The following GAB3 variants were observed in gnomAD, a reference collection of about 807,000 sequenced individuals.
The protein encoded by GAB3 is GRB2-associated-binding protein 3.
GAB3 carries 12 observed loss-of-function variants against 40.4 expected under a neutral mutation model. The observed-to-expected ratio is 0.30, with a 90% CI of 0.19 to 0.48. GAB3 has a LOEUF of 0.48. GAB3 is among the 20% of genes least tolerant of loss of function. The pLI, the probability that GAB3 is intolerant of heterozygous loss-of-function variation, is 0.99. For missense variants in GAB3, 381 were observed against 461.9 expected (o/e 0.82, Z 1.61); for synonymous variants, 154 against 176.7 (o/e 0.87, Z 1.02).
chrX:154,743,890 C>T (rs1448267283), intron 1 of GAB3, among the ~76,000 whole-genome samples: 2 of 111,312 alleles, frequency 1.8e-5, no homozygotes, highest in Admixed American at 9.5e-5. Flanking sequence ...AATAATCATA[C>T]TTTATGTGAA....
intron 4 of GAB3, among the ~76,000 whole-genome samples, chrX:154,709,520 A>G (rs1287057720): frequency 9.2e-6 from 1 of 109,154 alleles, no homozygotes; most frequent in Non-Finnish European, 1.9e-5. Flanking sequence ...GGGTTCCACC[A>G]TATTGGCCAG....
At chrX:154,750,247 G>A (rs1001315402) in intron 1 of GAB3, among the ~76,000 whole-genome samples, 2 of 112,559 alleles carry the variant, frequency 1.8e-5, no homozygotes, top group South Asian at 7.2e-4. Context: ...TCGTGAGGAC[G>A]CTGATGGAGA....
At chrX:154,713,089 A>C (rs2070979704) in intron 3 of GAB3, 118 bp downstream of exon 3, 1 of 572,978 alleles carries the variant, frequency 1.7e-6, no homozygotes, top group African/African-American at 2.3e-5. Context: ...CACTAAATGG[A>C]CTAATTTGGT....
rs1384318844 is a variant in GAB3 at position 154,713,329 on chromosome X, T to C, written c.474A>G (p.Pro158=). Residue 158 remains proline, a synonymous_variant, in exon 3 of 10, where the codon CCA becomes CCG. Transcript: ENST00000424127. Reference sequence around the variant, plus strand: ...CGGCATTAGTGTTTGGGTCATCTCTTGGCAAAGAGGAGCTGGCAGCATGGG... The same window carrying C: ...CGGCATTAGTGTTTGGGTCATCTCTCGGCAAAGAGGAGCTGGCAGCATGGG... ...LTAHAASSSL[P]RDDPNTNAVA... is the part of the protein sequence containing the mutation. 4 of 1,208,291 alleles carry C rather than the reference T, an allele frequency of 3.3e-6. No individual in the cohort carries two copies. The highest frequency in any genetic ancestry group is 4.5e-6 in the Non-Finnish European group (4 of 894,659).
At chrX:154,749,149 T>C (rs2071572582) in intron 1 of GAB3, among the ~76,000 whole-genome samples, 1 of 111,454 alleles carries the variant, frequency 9.0e-6, no homozygotes. Flanking sequence ...CACATATCTC[T>C]AAGCTGCGCA....
At chrX:154,708,374 C>G (rs1056885989) in intron 4 of GAB3, among the ~76,000 whole-genome samples, 4 of 112,042 alleles carry the variant, frequency 3.6e-5, no homozygotes, top group Admixed American at 2.8e-4. Context: ...CAAAAATAAA[C>G]AAGCGGAGCT....
chrX:154,692,585 C>T (rs1261785252), intron 8 of GAB3, among the ~76,000 whole-genome samples: 5 of 111,487 alleles, frequency 4.5e-5, no homozygotes, highest in Admixed American at 9.5e-5. Context: ...GTCAGGAGTT[C>T]GAGACCAGCC....
intron 1 of GAB3, among the ~76,000 whole-genome samples, chrX:154,720,385 A>G (rs2071109352): frequency 9.0e-6 from 1 of 111,679 alleles, no homozygotes. Context: ...CCATGAGTTC[A>G]TTATGATATT....
intron 1 of GAB3, among the ~76,000 whole-genome samples, chrX:154,741,095 G>A (rs782292847): frequency 5.4e-5 from 6 of 111,854 alleles, no homozygotes; most frequent in Admixed American, 1.9e-4. Context: ...CTATTCTCAC[G>A]ATAGCAAATA....
At chrX:154,696,841 A>C (rs2070665468) in intron 7 of GAB3, among the ~76,000 whole-genome samples, 1 of 112,800 alleles carries the variant, frequency 8.9e-6, no homozygotes, top group African/African-American at 3.2e-5. Flanking sequence ...ATTGTGCAAT[A>C]GAAAAGAATA....
intron 1 of GAB3, among the ~76,000 whole-genome samples, chrX:154,729,419 G>A (rs1270758602): frequency 9.0e-6 from 1 of 111,729 alleles, no homozygotes; most frequent in Non-Finnish European, 1.9e-5. Flanking sequence ...GATGCTCGGT[G>A]CAATGAACCA....
In GAB3 at chrX:154,677,153, T is replaced by C. The variant is rs1213803409; in HGVS notation, c.*1025A>G. The C allele has an allele frequency of 8.9e-6, 1 of 111,852 alleles. No individual in the cohort carries two copies. The highest frequency in any genetic ancestry group is 1.9e-5 in the Non-Finnish European group (1 of 53,161). The allele number at this position is 111,852 out of a possible 1,213,427, so 9.2% of individuals were successfully genotyped here. A position where few individuals can be genotyped will look rare whatever the true frequency, so the allele number is the denominator to read the frequency against. On this transcript the variant is annotated 3_prime_UTR_variant, in exon 10 of 10. Coordinates refer to ENST00000424127, the MANE Select transcript of GAB3 (RefSeq NM_001081573.3). Reference sequence around the variant, plus strand: ...AGTAGGTATTTCTAATTGTAACTACTGATGGGAGAGTTCCAGTTGAACATC... The same window carrying C: ...AGTAGGTATTTCTAATTGTAACTACCGATGGGAGAGTTCCAGTTGAACATC...
chrX:154,740,901 A>G (rs1557261130), intron 1 of GAB3, among the ~76,000 whole-genome samples: 4 of 112,119 alleles, frequency 3.6e-5, no homozygotes, highest in Non-Finnish European at 5.6e-5. Context: ...CGTCCTGTGC[A>G]TTGCAGAACA....
chrX:154,743,366 A>G (rs1193650374), intron 1 of GAB3, among the ~76,000 whole-genome samples: 1 of 111,606 alleles, frequency 9.0e-6, no homozygotes, highest in African/African-American at 3.3e-5. Context: ...GAAGTTCTTC[A>G]GGCAGAAGGA....
Position 154,692,619 on chromosome X carries a change from C to G in GAB3, c.1530+3298G>C, listed in dbSNP as rs782151602. 1.3e-4 allele frequency among the ~76,000 whole-genome samples: 14 copies of G among 111,445 alleles called. No homozygotes were observed. In the South Asian group the frequency reaches 5.3e-3, roughly 42 times the overall value. On this transcript the variant is annotated intron_variant, in intron 8 of 9. Transcript: ENST00000424127. ...CCTTGCCAACATGGTGAAACCCCAT[C>G]TCTACTAAAAATGCAAAAATTAGCC...
chrX:154,710,229 T>C (rs2148451071), intron 4 of GAB3, among the ~76,000 whole-genome samples: 1 of 112,221 alleles, frequency 8.9e-6, no homozygotes, highest in African/African-American at 3.2e-5. Flanking sequence ...AAATTCAACA[T>C]TGTAGTCAAA....
chrX:154,736,185 G>T lies in GAB3; in HGVS notation c.72+14769C>A, dbSNP rs193080792. ...CACCTTTATTGGCTACTTATGAAGT[G>T]CATTACATATAACTCACTTCATCCT... On this transcript the variant is annotated intron_variant, in intron 1 of 9. Coordinates refer to ENST00000424127, the MANE Select transcript of GAB3 (RefSeq NM_001081573.3). Among the ~76,000 whole-genome samples, 855 of 112,466 alleles carry T rather than the reference G, an allele frequency of 7.6e-3. 8 individuals carry two copies. The highest frequency in any genetic ancestry group is 0.026 in the African/African-American group (817 of 30,895).
chrX:154,681,449 CTT>C (rs2070373201), intron 8 of GAB3, among the ~76,000 whole-genome samples: 1 of 107,373 alleles, frequency 9.3e-6, no homozygotes, highest in Non-Finnish European at 1.9e-5. Context: ...TTTTTTTTGC[CTT>C]GTTTCTGGTT....
intron 1 of GAB3, among the ~76,000 whole-genome samples, chrX:154,717,732 G>A (rs2071067746): frequency 9.1e-6 from 1 of 109,309 alleles, no homozygotes; most frequent in African/African-American, 3.4e-5. Context: ...TGGGGAAAGA[G>A]GTATTTACAA....
Sources: gnomAD v4.1 joint callset for allele counts (sites outside exome capture counted in the v4.1 genomes callset) on GRCh38, gnomAD v4.1.1 for gene constraint, MANE v1.5 for transcripts, NCBI Gene and HGNC (gene_info 2026-07-23, HGNC 2026-07-21) for gene names.